The following UBN1 variants were observed in gnomAD, a reference collection of about 807,000 sequenced individuals.
UBN1 encodes ubinuclein 1, also known as ubinuclein-1.
In UBN1, 17 loss-of-function variants were observed where a neutral mutation model predicts 108.5. That is an observed-to-expected ratio of 0.16 (90% confidence interval 0.11 to 0.24). The LOEUF is 0.24. Ranked by LOEUF, UBN1 falls within the 10% of genes least tolerant of loss-of-function variation. The probability of loss-of-function intolerance (pLI) is 1.00; values close to 1 mark genes in which losing one functional copy is unlikely to be tolerated. For missense variants in UBN1, 1,595 were observed against 1,394.4 expected, an observed-to-expected ratio of 1.14 and a Z score of -2.29; for synonymous variants, 726 against 564.2, an observed-to-expected ratio of 1.29 and a Z score of -4.07.
intron 17 of UBN1, among the ~76,000 whole-genome samples, chr16:4,879,370 C>T (rs2088010085): frequency 6.6e-6 from 1 of 151,226 alleles, no homozygotes; most frequent in Admixed American, 6.6e-5. Context: ...ACCCAGGAAT[C>T]AGAGGGTATA....
chr16:4,873,500 T>TA (rs2142265562), intron 14 of UBN1, among the ~76,000 whole-genome samples: 1 of 152,328 alleles, frequency 6.6e-6, no homozygotes, highest in South Asian at 2.1e-4. Flanking sequence ...GGCTGGAGAA[T>TA]AGACACTGTG....
At chr16:4,871,617 C>T (rs549366806) in intron 12 of UBN1, among the ~76,000 whole-genome samples, 3 of 124,482 alleles carry the variant, frequency 2.4e-5, no homozygotes, top group Non-Finnish European at 4.8e-5. Context: ...GATGGAGTCT[C>T]GCTCTGTTGC....
rs2084035999 is a variant in UBN1, at chr16:4,880,403, T to A, written c.*271T>A. The A allele has an allele frequency of 1.6e-5, 7 of 443,334 alleles. No homozygotes were observed. Among genetic ancestry groups the A allele is most frequent in the African/African-American group, 1.2e-4 (6 of 51,186 alleles). The allele number at this position is 443,334 out of a possible 1,614,324, so 27.5% of individuals were successfully genotyped here. On this transcript the variant is annotated 3_prime_UTR_variant, in exon 18 of 18. Transcript: ENST00000262376. ...AGAGGGGCAGCTCTAGGCTGGGGCT[T>A]GCGCTGGGCCGTGGTGGGAGGCACA...
chr16:4,853,320 C>G (rs72633271), intron 2 of UBN1, among the ~76,000 whole-genome samples, 154 bp downstream of exon 2: 22,262 of 152,142 alleles, frequency 0.15, 1,841 homozygotes, highest in East Asian at 0.24. Flanking sequence ...AGATTTGCTT[C>G]TCTTACCTCT....
At position 4,874,433 on chromosome 16, in the gene UBN1, G is replaced by A; in HGVS notation, c.2023G>A (p.Ala675Thr). Residue 675 changes from alanine to threonine, a missense_variant, in exon 15 of 18, where the codon GCC becomes ACC. Coordinates refer to ENST00000262376, the MANE Select transcript of UBN1 (RefSeq NM_001079514.3). ...CCGCAATCCAGCCTCCTCGGTGGAA[G>A]CCGTGTCCAAGGAATTGGCTGCATT... ...LIRNPASSVE[A>T]VSKELAALNS... 6.2e-7 allele frequency: 1 copy of A among 1,614,144 alleles called. No individual in the cohort carries two copies. The highest frequency in any genetic ancestry group is 2.2e-5 in the East Asian group (1 of 44,876).
rs1169910153 is a variant in UBN1 at position 4,859,047 on chromosome 16, C to G, written c.455C>G (p.Ser152Cys). 5 of 1,614,038 alleles carry G rather than the reference C, an allele frequency of 3.1e-6. No individual in the cohort carries two copies. The highest frequency in any genetic ancestry group is 4.2e-6 in the Non-Finnish European group (5 of 1,179,998). ...SEAYDELVPA[S>C]LTTKYGGFYI... ...CAGTATGATGAGCTTGTTCCTGCTTCTTTGACTACGAAGTATGGAGGATTT... is the reference window on the plus strand; with the variant it reads ...CAGTATGATGAGCTTGTTCCTGCTTGTTTGACTACGAAGTATGGAGGATTT... Residue 152 changes from serine (S) to cysteine (C), a missense_variant, in exon 5 of 18, where the codon TCT (serine) becomes TGT (cysteine). Ser to Cys is a moderately radical substitution (Grantham distance 112, BLOSUM62 -1). Transcript: ENST00000262376.
At chr16:4,869,909 C>T (rs896169827) in intron 8 of UBN1, among the ~76,000 whole-genome samples, 6 of 152,290 alleles carry the variant, frequency 3.9e-5, no homozygotes, top group African/African-American at 1.4e-4. Flanking sequence ...ACTTTGAAAG[C>T]TTTCATGTTT....
intron 14 of UBN1, 66 bp downstream of exon 14, chr16:4,873,139 A>G: frequency 1.2e-6 from 2 of 1,603,028 alleles, no homozygotes; most frequent in Non-Finnish European, 1.7e-6. Flanking sequence ...CTCTGGAAAC[A>G]GTCAAGTGAC....
At chr16:4,857,662 G>T (rs918066230) in intron 2 of UBN1, among the ~76,000 whole-genome samples, 1 of 152,320 alleles carries the variant, frequency 6.6e-6, no homozygotes, top group South Asian at 2.1e-4. Flanking sequence ...AATTTTAAGA[G>T]TTACAAAGGA....
chr16:4,874,821 T>A lies in UBN1; in HGVS notation c.2411T>A (p.Val804Asp), dbSNP rs1301293418. ...GCAGTTCCTGTGCCTGGCCCCCAGG[T>A]CAAAGTCTTTCATGCCGGCACTCAG... The part of the protein sequence containing the change: ...QVAVPVPGPQ[V>D]KVFHAGTQQQ... The change falls in exon 15 of 18, where the codon GTC (valine) becomes GAC (aspartate). Residue 804 changes from valine to aspartate, a missense_variant. Val to Asp is a radical substitution (Grantham distance 152, BLOSUM62 -3). This residue lies in a region of UBN1 where 1,398 missense variants were observed against 1,194.7 expected (regional missense o/e 1.17). Coordinates refer to ENST00000262376, the MANE Select transcript of UBN1 (RefSeq NM_001079514.3). 1 of 1,614,070 alleles carries A rather than the reference T, an allele frequency of 6.2e-7. No individual in the cohort carries two copies. The highest frequency in any genetic ancestry group is 1.1e-5 in the South Asian group (1 of 91,084).
chr16:4,879,344 C>T (rs1884486367), intron 17 of UBN1, among the ~76,000 whole-genome samples: 1 of 151,108 alleles, frequency 6.6e-6, no homozygotes, highest in South Asian at 2.1e-4. Flanking sequence ...CATTGAGAGG[C>T]AGGAGGATTG....
At chr16:4,857,489 G>C (rs1258756377) in intron 2 of UBN1, among the ~76,000 whole-genome samples, 1 of 151,668 alleles carries the variant, frequency 6.6e-6, no homozygotes. Context: ...GTTTAACTTT[G>C]GTAGCACCGA....
At chr16:4,851,990 A>G (rs1195816778) in intron 1 of UBN1, among the ~76,000 whole-genome samples, 6 of 152,214 alleles carry the variant, frequency 3.9e-5, no homozygotes, top group South Asian at 4.1e-4. Flanking sequence ...ACAAGTCAAT[A>G]AGAAAGTCAC....
At chr16:4,868,959 G>C (rs761532188) in intron 8 of UBN1, 56 bp downstream of exon 8, 9 of 1,597,484 alleles carry the variant, frequency 5.6e-6, no homozygotes, top group Non-Finnish European at 6.8e-6. Flanking sequence ...ACTGAGCTTG[G>C]GGCAAGCCAG....
rs200268516 is a variant in UBN1, at chr16:4,872,868, G to T, written c.1707-16G>T. The T allele has an allele frequency of 6.2e-7, 1 of 1,614,220 alleles. No homozygotes were observed. The highest frequency in any genetic ancestry group is 1.3e-5 in the African/African-American group (1 of 75,062). On this transcript the variant is annotated splice_polypyrimidine_tract_variant and intron_variant, in intron 12 of 17. Transcript: ENST00000262376. ...TCTGGGGCATGTACAGATGCCTGGT[G>T]TTCTGTGTCTTTCAGAACTCTGTTT...
intron 2 of UBN1, among the ~76,000 whole-genome samples, chr16:4,854,761 C>T (rs933031145): frequency 5.9e-4 from 90 of 151,298 alleles, no homozygotes; most frequent in African/African-American, 2.0e-3. Flanking sequence ...CTCGCTCTGT[C>T]GCCCAGGCTG....
In UBN1 at chr16:4,877,300, G is replaced by A. The variant is rs2087929012; in HGVS notation, c.3266-85G>A. ...CCAGACTGGCCTGGCAGGTTATCGGGGGCTTTTGGCTGCTGGAGCTGCTTT... is the reference window on the plus strand; with the variant it reads ...CCAGACTGGCCTGGCAGGTTATCGGAGGCTTTTGGCTGCTGGAGCTGCTTT... On this transcript the variant is annotated intron_variant, in intron 16 of 17. Transcript: ENST00000262376. The surrounding 1 kb of genome is among the most constrained non-coding windows in gnomAD (Gnocchi z 4.3). The A allele has an allele frequency of 3.9e-6, 6 of 1,543,904 alleles. No homozygotes were observed. Among genetic ancestry groups the A allele is most frequent in the Non-Finnish European group, 5.3e-6 (6 of 1,140,640 alleles).
intron 1 of UBN1, among the ~76,000 whole-genome samples, chr16:4,850,948 C>G (rs2086529293): frequency 6.6e-6 from 1 of 152,132 alleles, no homozygotes; most frequent in Non-Finnish European, 1.5e-5. Context: ...AACTTTGCAA[C>G]ATTAAAGTAT....
intron 2 of UBN1, among the ~76,000 whole-genome samples, chr16:4,857,584 T>C (rs1212869435): frequency 6.6e-6 from 1 of 152,110 alleles, no homozygotes; most frequent in African/African-American, 2.4e-5. Flanking sequence ...ATTTTCACGT[T>C]TTTGAGCCCT....
Sources: allele counts gnomAD v4.1 joint callset (sites outside exome capture counted in the v4.1 genomes callset), GRCh38; gene constraint gnomAD v4.1.1; regional missense constraint gnomAD v4.1.1; non-coding constraint Gnocchi (gnomAD v3.1); transcripts MANE v1.5; gene names NCBI Gene and HGNC (gene_info 2026-07-23, HGNC 2026-07-21).